JPH3: variants seen among roughly 807,000 people sequenced by gnomAD.
JPH3 encodes junctophilin-3.
Under a neutral mutation model 59.6 loss-of-function variants are expected in JPH3, and 11 were observed. The observed-to-expected ratio is 0.18, with a 90% CI of 0.12 to 0.31. The LOEUF is 0.31. Ranked by LOEUF, JPH3 falls within the 10% of genes least tolerant of loss-of-function variation. JPH3 has a pLI of 1.00. For missense variants in JPH3, 1,202 were observed against 1,105.7 expected, an observed-to-expected ratio of 1.09 and a Z score of -1.24; for synonymous variants, 673 against 483.6, an observed-to-expected ratio of 1.39 and a Z score of -5.14.
intron 1 of JPH3, among the ~76,000 whole-genome samples, chr16:87,622,605 T>TA (rs1232232242): frequency 9.2e-5 from 14 of 151,936 alleles, no homozygotes; most frequent in South Asian, 4.1e-4. Flanking sequence ...GTGGCTGGGA[T>TA]GGAAGTCTGC....
intron 2 of JPH3, among the ~76,000 whole-genome samples, 155 bp downstream of exon 2, chr16:87,645,190 G>C (rs548126390): frequency 9.8e-5 from 15 of 152,338 alleles, no homozygotes; most frequent in African/African-American, 3.6e-4. Context: ...GGAACCCTAG[G>C]GTTCCCTGGA....
chr16:87,638,997 C>T (rs2031849528), intron 1 of JPH3, among the ~76,000 whole-genome samples: 1 of 152,210 alleles, frequency 6.6e-6, no homozygotes, highest in African/African-American at 2.4e-5. Flanking sequence ...GATCCAGACT[C>T]TGCCTCAGGT....
In JPH3 at chr16:87,637,283, T is replaced by C. The variant is rs74836588; in HGVS notation, c.383-6975T>C. ...GGTTCTGATCATCAGCTCTATCAGGTTGCAGGCCACTTTCATCACCCCAAA... is the reference window on the plus strand; with the variant it reads ...GGTTCTGATCATCAGCTCTATCAGGCTGCAGGCCACTTTCATCACCCCAAA... On this transcript the variant is annotated intron_variant, in intron 1 of 4. Transcript: ENST00000284262. 8.5e-3 allele frequency among the ~76,000 whole-genome samples: 1,290 copies of C among 152,164 alleles called. 19 individuals carry two copies. The highest frequency in any genetic ancestry group is 0.03 in the African/African-American group (1,240 of 41,502).
Position 87,603,100 on chromosome 16 carries a change from C to G in JPH3, c.-47C>G. On this transcript the variant is annotated 5_prime_UTR_variant, in exon 1 of 5. Coordinates refer to ENST00000284262, the MANE Select transcript of JPH3 (RefSeq NM_020655.4). ...GCCGCGACTCTGCTGTGTCGATCGCCTGAGTCCGTTTTCACCGTTTGCGGG... is the reference window on the plus strand; with the variant it reads ...GCCGCGACTCTGCTGTGTCGATCGCGTGAGTCCGTTTTCACCGTTTGCGGG... 1.2e-6 allele frequency: 2 copies of G among 1,613,034 alleles called. No homozygotes were observed. Among genetic ancestry groups the G allele is most frequent in the Non-Finnish European group, 1.7e-6 (2 of 1,179,578 alleles).
In JPH3 at chr16:87,650,848, A is replaced by G. The variant is rs139658935; in HGVS notation, c.1160+5813A>G. 2.3e-3 allele frequency among the ~76,000 whole-genome samples: 357 copies of G among 152,352 alleles called. 1 individual carries two copies. The highest frequency in any genetic ancestry group is 0.014 in the Middle Eastern group (4 of 294). ...AGGAAAGAAGCCGCTTCCAGAACATAAAGTGCAAGGTGAGGGAGCAGGTTA... is the reference window on the plus strand; with the variant it reads ...AGGAAAGAAGCCGCTTCCAGAACATGAAGTGCAAGGTGAGGGAGCAGGTTA... On this transcript the variant is annotated intron_variant, in intron 2 of 4. Coordinates refer to ENST00000284262, the MANE Select transcript of JPH3 (RefSeq NM_020655.4).
chr16:87,630,417 C>T (rs1453363758), intron 1 of JPH3, among the ~76,000 whole-genome samples: 1 of 152,216 alleles, frequency 6.6e-6, no homozygotes, highest in Non-Finnish European at 1.5e-5. Context: ...AGATCACGAA[C>T]CTGCCCCTTC....
At chr16:87,656,243 C>G (rs57451378) in intron 2 of JPH3, among the ~76,000 whole-genome samples, 31,179 of 152,192 alleles carry the variant, frequency 0.2, 3,696 homozygotes, top group East Asian at 0.36. Context: ...TCATGCTGTT[C>G]CTTCCAGCCG....
chr16:87,692,093 G>A lies in JPH3; in HGVS notation c.2166+1567G>A, dbSNP rs564833117. Among the ~76,000 whole-genome samples the A allele has an allele frequency of 2.6e-5, 4 of 152,032 alleles. No individual in the cohort carries two copies. The South Asian group carries it at 8.3e-4, about 32-fold the overall frequency. On this transcript the variant is annotated intron_variant, in intron 4 of 4. Transcript: ENST00000284262. The stretch of plus-strand genomic sequence containing the variant: ...GGTCTCCAGCTGGGGCTAATCTGGA[G>A]GTCCCGTCAGCTGCAGCATCATGTC...
At position 87,682,412 on chromosome 16, in the gene JPH3, C is replaced by T. The variant is rs537769067; in HGVS notation, c.1161-1730C>T. On this transcript the variant is annotated intron_variant, in intron 2 of 4. Transcript: ENST00000284262. ...AGGTGCAGGTGTTAATCCTCACCAC[C>T]AGGGCGATGGTGCTAGGATGTGGGG... Among the ~76,000 whole-genome samples, 216 of 152,200 alleles carry T rather than the reference C, an allele frequency of 1.4e-3. 1 individual carries two copies. The highest frequency in any genetic ancestry group is 4.9e-3 in the African/African-American group (202 of 41,544).
intron 4 of JPH3, among the ~76,000 whole-genome samples, chr16:87,691,625 C>T (rs540615341): frequency 5.3e-5 from 8 of 152,236 alleles, no homozygotes; most frequent in South Asian, 4.1e-4. Context: ...GAGGGGTCAC[C>T]GCGTGACACC....
chr16:87,658,964 G>A (rs1366855332), intron 2 of JPH3, among the ~76,000 whole-genome samples: 1 of 152,246 alleles, frequency 6.6e-6, no homozygotes, highest in Non-Finnish European at 1.5e-5. Flanking sequence ...GAATAAGGGT[G>A]CAATTGCTGG....
chr16:87,691,793 A>G (rs1306171305), intron 4 of JPH3, among the ~76,000 whole-genome samples: 2 of 151,880 alleles, frequency 1.3e-5, no homozygotes, highest in African/African-American at 2.4e-5. Flanking sequence ...GGACCAAAAT[A>G]CCAGCTCACA....
chr16:87,672,922 A>G (rs2033053757), intron 2 of JPH3, among the ~76,000 whole-genome samples: 1 of 152,242 alleles, frequency 6.6e-6, no homozygotes. Context: ...ACATGGGCAC[A>G]TCACCTAAGG....
intron 1 of JPH3, among the ~76,000 whole-genome samples, chr16:87,612,650 AG>A (rs756041428): frequency 2.6e-5 from 4 of 152,176 alleles, no homozygotes; most frequent in Non-Finnish European, 4.4e-5. Context: ...AGCAGGGCCT[AG>A]AGTTGCAGCT....
intron 1 of JPH3, 76 bp downstream of exon 1, chr16:87,603,604 G>C (rs1044232694): frequency 1.7e-5 from 25 of 1,482,278 alleles, no homozygotes; most frequent in Non-Finnish European, 2.3e-5. Flanking sequence ...GGATCTCTGG[G>C]GAAGTTGAGC....
rs371822176 is a variant in JPH3 at position 87,622,329 on chromosome 16, C to T, written c.382+18801C>T. Among the ~76,000 whole-genome samples, 34 of 152,208 alleles carry T rather than the reference C, an allele frequency of 2.2e-4. 1 individual carries two copies. Among genetic ancestry groups the T allele is most frequent in the Admixed American group, 2.2e-3 (34 of 15,288 alleles). The stretch of plus-strand genomic sequence containing the variant: ...TGGGCTTGGGTCTGAGGTCAGCTTC[C>T]CAGGGGGCACCCAAGCCTCCGTGAG... On this transcript the variant is annotated intron_variant, in intron 1 of 4. Transcript: ENST00000284262.
At chr16:87,645,987 C>A (rs1031068075) in intron 2 of JPH3, among the ~76,000 whole-genome samples, 8 of 152,226 alleles carry the variant, frequency 5.3e-5, no homozygotes, top group African/African-American at 1.9e-4. Flanking sequence ...ATTTGCTTTC[C>A]TGGGCCAGAC....
Position 87,644,320 on chromosome 16 carries a change from C to G in JPH3, c.445C>G (p.Pro149Ala). ...GGGCTACGGCGTCCGGCAGAGCGTCCCGTATGGCATGGCCGCGGTCATCCG... is the reference window on the plus strand; with the variant it reads ...GGGCTACGGCGTCCGGCAGAGCGTCGCGTATGGCATGGCCGCGGTCATCCG... ...RQGYGVRQSV[P>A]YGMAAVIRSP... The change falls in exon 2 of 5, where the codon CCG becomes GCG. Residue 149 changes from proline (P) to alanine (A), a missense_variant. By Grantham distance (27) the Pro-to-Ala change is conservative. Coordinates refer to ENST00000284262, the MANE Select transcript of JPH3 (RefSeq NM_020655.4). 1 of 1,612,906 alleles carries G rather than the reference C, an allele frequency of 6.2e-7. No individual in the cohort carries two copies. Among genetic ancestry groups the G allele is most frequent in the Non-Finnish European group, 8.5e-7 (1 of 1,179,918 alleles).
chr16:87,604,701 C>A, intron 1 of JPH3: 1 of 1,117,412 alleles, frequency 8.9e-7, no homozygotes, highest in South Asian at 2.0e-5. Context: ...ACCTGCTCCA[C>A]GGCCACATCC....
Sources: gnomAD v4.1 joint callset for allele counts (sites outside exome capture counted in the v4.1 genomes callset) on GRCh38, gnomAD v4.1.1 for gene constraint, MANE v1.5 for transcripts, NCBI Gene and HGNC (gene_info 2026-07-23, HGNC 2026-07-21) for gene names.